Variants in OR7E24 observed in about 807,000 individuals in gnomAD.
The protein encoded by OR7E24 is olfactory receptor family 7 subfamily E member 24.
For synonymous variants in OR7E24, 130 were observed against 157.5 expected, an observed-to-expected ratio of 0.83 and a Z score of 1.31; for missense variants, 385 against 410.3, an observed-to-expected ratio of 0.94 and a Z score of 0.53.
chr19:9,236,872 G>A, the OR7E24 span, among the ~76,000 whole-genome samples: 2 of 152,174 alleles, frequency 1.3e-5, no homozygotes, highest in Admixed American at 1.3e-4. Flanking sequence ...AATATTCAAA[G>A]CAAAGTACTT....
chr19:9,243,989 G>A (rs980203117), upstream of OR7E24, among the ~76,000 whole-genome samples: 1 of 152,298 alleles, frequency 6.6e-6, no homozygotes, highest in African/African-American at 2.4e-5. Context: ...AGGCCCCACA[G>A]CCTGGTGGAC....
In OR7E24 at chr19:9,251,188, T is replaced by C; in HGVS notation, c.145T>C (p.Phe49Leu). Residue 49 changes from phenylalanine to leucine, a missense_variant, in exon 1 of 1, where the codon TTC becomes CTC. Phe to Leu is a conservative substitution (Grantham distance 22). Coordinates refer to ENST00000456448, the MANE Select transcript of OR7E24 (RefSeq NM_001079935.2). ...ACTGCAGCCGGTCCTCGCTGGGCTGTTCCTGTCCATGTACCTGGTCACGGT... is the reference window on the plus strand; with the variant it reads ...ACTGCAGCCGGTCCTCGCTGGGCTGCTCCTGTCCATGTACCTGGTCACGGT... ...PELQPVLAGL[F>L]LSMYLVTVLG... 6.2e-7 allele frequency: 1 copy of C among 1,614,124 alleles called. No individual in the cohort carries two copies. Among genetic ancestry groups the C allele is most frequent in the Non-Finnish European group, 8.5e-7 (1 of 1,180,012 alleles).
the OR7E24 span, chr19:9,210,906 G>A: frequency 6.6e-6 from 1 of 152,236 alleles, no homozygotes; most frequent in Non-Finnish European, 1.5e-5. Flanking sequence ...GAAGGTCCAG[G>A]AGAACATTGT....
chr19:9,228,711 T>A, the OR7E24 span, among the ~76,000 whole-genome samples: 2 of 152,186 alleles, frequency 1.3e-5, no homozygotes, highest in Non-Finnish European at 2.9e-5. Context: ...TTTGCTTTCC[T>A]TCAGGAAGGA....
Position 9,251,402 on chromosome 19 carries a change from C to A in OR7E24, c.359C>A (p.Ser120Tyr). 1.2e-6 allele frequency: 2 copies of A among 1,614,100 alleles called. No individual in the cohort carries two copies. The highest frequency in any genetic ancestry group is 1.7e-6 in the Non-Finnish European group (2 of 1,180,012). ...TATGAAGGCTGCCTGACTCAGATGT[C>A]TTTTTTTGTCCTTTTTGCATGTATG... ...ISYEGCLTQM[S>Y]FFVLFACMDD... The change falls in exon 1 of 1, where the codon TCT (serine) becomes TAT (tyrosine). Residue 120 changes from serine to tyrosine, a missense_variant. Ser to Tyr is a moderately radical substitution (Grantham distance 144, BLOSUM62 -2). Transcript: ENST00000456448.
the OR7E24 span, chr19:9,208,756 A>G: frequency 7.2e-6 from 1 of 139,156 alleles, no homozygotes; most frequent in Non-Finnish European, 1.5e-5. Context: ...CAATGGCATG[A>G]TCTTGGTTCA....
chr19:9,227,723 TG>T, the OR7E24 span, among the ~76,000 whole-genome samples: 17 of 151,332 alleles, frequency 1.1e-4, no homozygotes, highest in Non-Finnish European at 2.9e-5. Context: ...TACCCAGTAA[TG>T]GGATTGCTGG....
chr19:9,244,517 G>C (rs776958403), upstream of OR7E24, among the ~76,000 whole-genome samples: 1 of 152,160 alleles, frequency 6.6e-6, no homozygotes, highest in African/African-American at 2.4e-5. Context: ...ATGAAGGTGG[G>C]TTCTTACCTT....
the OR7E24 span, chr19:9,235,977 C>T: frequency 2.4e-5 from 39 of 1,610,196 alleles, no homozygotes; most frequent in Middle Eastern, 1.7e-4. Context: ...CAGTGATGTA[C>T]GCCATGGTCA....
At chr19:9,236,549 A>T in the OR7E24 span, among the ~76,000 whole-genome samples, 1 of 150,404 alleles carries the variant, frequency 6.6e-6, no homozygotes, top group African/African-American at 2.4e-5. Context: ...AGGTTGGTGC[A>T]AAAGTCATTG....
upstream of OR7E24, chr19:9,247,304 A>C (rs955850201): frequency 5.1e-6 from 2 of 393,534 alleles, no homozygotes; most frequent in African/African-American, 2.1e-5. Flanking sequence ...AAGGCCCTAG[A>C]ATAGTAAATA....
At position 9,251,252 on chromosome 19, in the gene OR7E24, A is replaced by T; in HGVS notation, c.209A>T (p.Asp70Val). Residue 70 changes from aspartate to valine, a missense_variant, in exon 1 of 1, where the codon GAC becomes GTC. Asp to Val is a radical substitution (Grantham distance 152). Coordinates refer to ENST00000456448, the MANE Select transcript of OR7E24 (RefSeq NM_001079935.2). ...NLLIILAVSS[D>V]SHLHTPMYFF... ...CTCATCATCCTGGCTGTCAGCTCTGACTCCCACCTCCACACCCCCATGTAC... is the reference window on the plus strand; with the variant it reads ...CTCATCATCCTGGCTGTCAGCTCTGTCTCCCACCTCCACACCCCCATGTAC... The T allele has an allele frequency of 1.2e-6, 2 of 1,612,644 alleles. No individual in the cohort carries two copies. Among genetic ancestry groups the T allele is most frequent in the Middle Eastern group, 1.7e-4 (1 of 6,058 alleles).
the OR7E24 span, among the ~76,000 whole-genome samples, chr19:9,226,300 G>A: frequency 6.6e-6 from 1 of 152,160 alleles, no homozygotes; most frequent in Non-Finnish European, 1.5e-5. Context: ...CAGCAGTTTT[G>A]CCACGAGAGT....
chr19:9,247,999 T>C (rs939497038), upstream of OR7E24, among the ~76,000 whole-genome samples: 1 of 152,216 alleles, frequency 6.6e-6, no homozygotes, highest in African/African-American at 2.4e-5. Context: ...GTAGTTTCTT[T>C]GTTAGCCTCT....
chr19:9,232,538 CAAAAAAAA>C, the OR7E24 span, among the ~76,000 whole-genome samples: 2 of 62,552 alleles, frequency 3.2e-5, no homozygotes, highest in African/African-American at 1.0e-4. Context: ...AACTCCGTCG[CAAAAAAAA>C]AAAAAAAAAA....
the OR7E24 span, among the ~76,000 whole-genome samples, chr19:9,225,098 G>A: frequency 1.3e-5 from 2 of 152,066 alleles, no homozygotes; most frequent in Non-Finnish European, 2.9e-5. Flanking sequence ...GGGGAGGTCG[G>A]GTGCGGTGGC....
the OR7E24 span, among the ~76,000 whole-genome samples, chr19:9,233,010 C>T: frequency 6.8e-6 from 1 of 148,088 alleles, no homozygotes; most frequent in African/African-American, 2.5e-5. Context: ...CCCTCACTCT[C>T]CACTCTCCAT....
the OR7E24 span, among the ~76,000 whole-genome samples, chr19:9,218,397 A>G: frequency 6.6e-6 from 1 of 152,246 alleles, no homozygotes; most frequent in Non-Finnish European, 1.5e-5. Flanking sequence ...AAGAGAAATC[A>G]TAAACAAAAT....
the OR7E24 span, chr19:9,219,678 A>ATTC: frequency 1.3e-5 from 2 of 152,222 alleles, no homozygotes; most frequent in Non-Finnish European, 2.9e-5. Flanking sequence ...CAGTGTCTCA[A>ATTC]GAGTTGAATT....
Sources: gnomAD v4.1 joint callset for allele counts (sites outside exome capture counted in the v4.1 genomes callset) on GRCh38, gnomAD v4.1.1 for gene constraint, MANE v1.5 for transcripts, NCBI Gene and HGNC (gene_info 2026-07-23, HGNC 2026-07-21) for gene names.